The following ZFHX3 variants were observed in gnomAD, a reference collection of about 807,000 sequenced individuals.
ZFHX3 encodes the protein zinc finger homeobox 3.
Under a neutral mutation model 279.1 loss-of-function variants are expected in ZFHX3, and 42 were observed. That is an observed-to-expected ratio of 0.15 (90% CI 0.12 to 0.19). The LOEUF is 0.19. Among genes scored for constraint, ZFHX3 ranks in the 10% least tolerant of loss-of-function variants. ZFHX3 has a pLI of 1.00. For synonymous variants in ZFHX3, 2,293 were observed against 1,957.8 expected, an observed-to-expected ratio of 1.17 and a Z score of -4.52; for missense variants, 4,981 against 4,754.0, an observed-to-expected ratio of 1.05 and a Z score of -1.40.
chr16:73,642,331 C>G (rs1193791477), intron 2 of ZFHX3, among the ~76,000 whole-genome samples: 3 of 152,190 alleles, frequency 2.0e-5, no homozygotes, highest in African/African-American at 7.2e-5. Context: ...TCCCTTCCCA[C>G]CTTCAGGCTC....
chr16:73,389,935 C>T (rs1209839940), intron 3 of ZFHX3, among the ~76,000 whole-genome samples: 2 of 152,144 alleles, frequency 1.3e-5, no homozygotes, highest in Non-Finnish European at 2.9e-5. Context: ...TGGCGCACGC[C>T]TGTAGTCCTG....
chr16:73,240,051 G>GTGTGTGTA (rs1555505680), intron 5 of ZFHX3, among the ~76,000 whole-genome samples: 2 of 148,048 alleles, frequency 1.4e-5, no homozygotes, highest in African/African-American at 5.1e-5. Flanking sequence ...GTGTGTGTGT[G>GTGTGTGTA]TATATCTATA....
intron 3 of ZFHX3, among the ~76,000 whole-genome samples, chr16:72,930,213 A>G (rs60526268): frequency 0.16 from 24,782 of 152,176 alleles, 3,225 homozygotes; most frequent in African/African-American, 0.36. Flanking sequence ...AGTGAAACTC[A>G]GTCTCAATAG....
chr16:72,856,629 G>A (rs920796622), intron 4 of ZFHX3, among the ~76,000 whole-genome samples: 2 of 152,016 alleles, frequency 1.3e-5, no homozygotes, highest in African/African-American at 4.8e-5. Context: ...GATTCCTAGG[G>A]GAGACTTCAA....
chr16:73,031,195 A>C (rs1964683796), intron 1 of ZFHX3, among the ~76,000 whole-genome samples: 1 of 152,240 alleles, frequency 6.6e-6, no homozygotes, highest in Non-Finnish European at 1.5e-5. Context: ...TCTATAAATC[A>C]TCACAAATGT....
At chr16:73,643,863 C>T (rs908310130) in intron 2 of ZFHX3, among the ~76,000 whole-genome samples, 7 of 152,130 alleles carry the variant, frequency 4.6e-5, no homozygotes, top group African/African-American at 1.7e-4. Context: ...TGAGTCATAC[C>T]CCATTCCACC....
chr16:73,598,019 C>T (rs1431375265), intron 2 of ZFHX3, among the ~76,000 whole-genome samples: 1 of 152,030 alleles, frequency 6.6e-6, no homozygotes, highest in Non-Finnish European at 1.5e-5. Flanking sequence ...GTAATGGCTC[C>T]CAAATATCTC....
At chr16:72,900,292 A>T (rs2144125920) in intron 3 of ZFHX3, among the ~76,000 whole-genome samples, 1 of 152,304 alleles carries the variant, frequency 6.6e-6, no homozygotes, top group South Asian at 2.1e-4. Flanking sequence ...AAATGCCTGG[A>T]AGACACTTCC....
chr16:73,063,104 G>C (rs1431353363), upstream of ZFHX3, among the ~76,000 whole-genome samples: 1 of 152,210 alleles, frequency 6.6e-6, no homozygotes, highest in African/African-American at 2.4e-5. Context: ...CTCTGCACGG[G>C]ATCCAAGGTG....
chr16:73,501,019 G>C (rs189821943), intron 2 of ZFHX3, among the ~76,000 whole-genome samples: 2 of 152,358 alleles, frequency 1.3e-5, no homozygotes, highest in Admixed American at 1.3e-4. Context: ...TCCCTTTATA[G>C]TAAGGGTCCT....
At chr16:72,938,047 A>G (rs1489493964) in intron 3 of ZFHX3, among the ~76,000 whole-genome samples, 1 of 152,242 alleles carries the variant, frequency 6.6e-6, no homozygotes, top group East Asian at 1.9e-4. Flanking sequence ...CCAGGTCCTC[A>G]AGAGGTTTAC....
chr16:73,514,918 C>CT, intron 2 of ZFHX3, among the ~76,000 whole-genome samples: 1 of 152,350 alleles, frequency 6.6e-6, no homozygotes, highest in East Asian at 1.9e-4. Flanking sequence ...TCCTCTCTCT[C>CT]CCCCACATAT....
chr16:73,449,325 C>T (rs902861661), intron 3 of ZFHX3, among the ~76,000 whole-genome samples: 13 of 152,224 alleles, frequency 8.5e-5, no homozygotes, highest in African/African-American at 1.2e-4. Flanking sequence ...CTTAGGCATG[C>T]GCAAGAAATT....
intron 3 of ZFHX3, among the ~76,000 whole-genome samples, chr16:73,455,633 C>T (rs2018358317): frequency 1.3e-5 from 2 of 152,118 alleles, no homozygotes; most frequent in Admixed American, 6.5e-5. Flanking sequence ...AAATGAAAAG[C>T]TGAATACTAT....
chr16:73,443,903 T>G (rs1046495222), intron 3 of ZFHX3, among the ~76,000 whole-genome samples: 4 of 152,068 alleles, frequency 2.6e-5, no homozygotes, highest in Non-Finnish European at 4.4e-5. Flanking sequence ...TACAGGTGTG[T>G]GCCACCATGC....
intron 5 of ZFHX3, among the ~76,000 whole-genome samples, chr16:72,822,873 T>C (rs1172688443): frequency 2.0e-5 from 3 of 150,580 alleles, no homozygotes; most frequent in Non-Finnish European, 2.9e-5. Context: ...TCAACTGATG[T>C]GGTCCCTATC....
intron 3 of ZFHX3, among the ~76,000 whole-genome samples, chr16:72,902,187 T>A (rs1011079498): frequency 6.6e-6 from 1 of 152,204 alleles, no homozygotes; most frequent in African/African-American, 2.4e-5. Flanking sequence ...CTCCAAGATG[T>A]CAGCCTTGTT....
At chr16:73,531,486 G>C (rs1054631197) in intron 2 of ZFHX3, among the ~76,000 whole-genome samples, 9 of 151,832 alleles carry the variant, frequency 5.9e-5, no homozygotes, top group African/African-American at 1.9e-4. Context: ...AGGATGAGGT[G>C]GGGGGACTGC....
intron 2 of ZFHX3, among the ~76,000 whole-genome samples, chr16:73,591,413 G>T (rs1228057720): frequency 6.9e-6 from 1 of 145,958 alleles, no homozygotes; most frequent in Non-Finnish European, 1.5e-5. Context: ...AGCAGAGGGG[G>T]CCGGGTGCGG....
Sources: gnomAD v4.1 joint callset for allele counts (sites outside exome capture counted in the v4.1 genomes callset) on GRCh38, gnomAD v4.1.1 for gene constraint, MANE v1.5 for transcripts, NCBI Gene and HGNC (gene_info 2026-07-23, HGNC 2026-07-21) for gene names.